SPOCK3: variants seen among roughly 807,000 people sequenced by gnomAD.
SPOCK3 encodes the protein testican-3.
SPOCK3 carries 30 observed loss-of-function variants against 56.6 expected under a neutral mutation model. The observed-to-expected ratio is 0.53, with a 90% CI of 0.40 to 0.72. SPOCK3 has a LOEUF of 0.72. SPOCK3 is among the 30% of genes least tolerant of loss of function. The pLI, the probability that SPOCK3 is intolerant of heterozygous loss-of-function variation, is 0.00. For synonymous variants in SPOCK3, 196 were observed against 183.3 expected (o/e 1.07, Z -0.56); for missense variants, 527 against 530.0 (o/e 0.99, Z 0.06).
chr4:167,102,115 A>G (rs191573414), intron 2 of SPOCK3, among the ~76,000 whole-genome samples: 1 of 152,174 alleles, frequency 6.6e-6, no homozygotes, highest in East Asian at 1.9e-4. Context: ...CTAAGCTGAA[A>G]TGAGAACAAG....
chr4:166,764,570 T>A (rs1737719717), intron 7 of SPOCK3, among the ~76,000 whole-genome samples: 1 of 152,184 alleles, frequency 6.6e-6, no homozygotes, highest in Non-Finnish European at 1.5e-5. Flanking sequence ...TGTGCCACAT[T>A]TTCTTAATCC....
intron 2 of SPOCK3, among the ~76,000 whole-genome samples, chr4:167,106,857 G>C (rs1760206974): frequency 6.6e-6 from 1 of 151,594 alleles, no homozygotes; most frequent in African/African-American, 2.4e-5. Context: ...AGGATCATTA[G>C]TGGCTACTAT....
chr4:166,975,967 G>A (rs1187491124), intron 4 of SPOCK3, among the ~76,000 whole-genome samples: 2 of 152,046 alleles, frequency 1.3e-5, no homozygotes, highest in African/African-American at 4.8e-5. Context: ...GAGTAGTGCT[G>A]CAATAAGCAT....
intron 2 of SPOCK3, among the ~76,000 whole-genome samples, chr4:167,118,940 C>T (rs546401584): frequency 6.6e-6 from 1 of 152,196 alleles, no homozygotes; most frequent in South Asian, 2.1e-4. Flanking sequence ...GCCCTTCTTA[C>T]TTGTACTTTG....
intron 6 of SPOCK3, among the ~76,000 whole-genome samples, chr4:166,883,572 C>T (rs940305847): frequency 2.6e-5 from 4 of 152,168 alleles, no homozygotes; most frequent in African/African-American, 9.7e-5. Context: ...GGACTCATTA[C>T]AAATCTGTCT....
intron 2 of SPOCK3, among the ~76,000 whole-genome samples, chr4:167,230,082 T>C (rs1022443932): frequency 5.9e-5 from 9 of 152,066 alleles, no homozygotes; most frequent in African/African-American, 1.9e-4. Flanking sequence ...TTTTATTATA[T>C]TGATTCCAAA....
At chr4:167,144,798 T>A (rs1157787990) in intron 2 of SPOCK3, among the ~76,000 whole-genome samples, 4 of 151,010 alleles carry the variant, frequency 2.6e-5, no homozygotes, top group Non-Finnish European at 5.9e-5. Flanking sequence ...TATCACATGT[T>A]TGAAAACAGG....
chr4:167,204,174 C>T (rs1445844159), intron 2 of SPOCK3, among the ~76,000 whole-genome samples: 1 of 151,960 alleles, frequency 6.6e-6, no homozygotes, highest in Non-Finnish European at 1.5e-5. Flanking sequence ...CTTTCCTCCC[C>T]TTCCCAATGG....
At chr4:166,762,591 T>C (rs1443999114) in intron 7 of SPOCK3, among the ~76,000 whole-genome samples, 4 of 152,016 alleles carry the variant, frequency 2.6e-5, no homozygotes, top group Admixed American at 2.6e-4. Context: ...CAGAAGTAGA[T>C]GAGATATGTA....
At chr4:166,847,138 T>C (rs775497028) in intron 6 of SPOCK3, among the ~76,000 whole-genome samples, 1 of 152,120 alleles carries the variant, frequency 6.6e-6, no homozygotes, top group Non-Finnish European at 1.5e-5. Flanking sequence ...AAGACTGATA[T>C]GTCATCCTGT....
At chr4:166,820,715 T>C (rs1226569237) in intron 6 of SPOCK3, among the ~76,000 whole-genome samples, 2 of 151,856 alleles carry the variant, frequency 1.3e-5, no homozygotes, top group African/African-American at 4.8e-5. Flanking sequence ...TTCCAGGTAC[T>C]TGGGAGGCTG....
At chr4:166,985,239 A>G (rs879384942) in intron 4 of SPOCK3, among the ~76,000 whole-genome samples, 5 of 152,126 alleles carry the variant, frequency 3.3e-5, no homozygotes, top group Admixed American at 3.3e-4. Context: ...AAAATTCAAC[A>G]TTGGAATAAA....
Position 166,735,001 on chromosome 4 carries a change from C to T in SPOCK3, c.1222G>A (p.Asp408Asn). The change falls in exon 11 of 11, where the codon GAT (aspartate) becomes AAT (asparagine). Residue 408 changes from aspartate (D) to asparagine (N), a missense_variant. Asp to Asn is a conservative substitution (Grantham distance 23). Transcript: ENST00000357545. Reference sequence around the variant, plus strand: ...TCATCATCTTCAATTTCATCTTCATCATTCATAATATCGTCTTCATCATCC... The same window carrying T: ...TCATCATCTTCAATTTCATCTTCATTATTCATAATATCGTCTTCATCATCC... ...DEDDEDDIMNDEDEIEDDDED... is the reference protein window; with the variant it reads ...DEDDEDDIMNNEDEIEDDDED... 1 of 1,549,128 alleles carries T rather than the reference C, an allele frequency of 6.5e-7. No individual in the cohort carries two copies.
At chr4:167,122,683 G>A (rs1245553794) in intron 2 of SPOCK3, among the ~76,000 whole-genome samples, 1 of 152,042 alleles carries the variant, frequency 6.6e-6, no homozygotes, top group East Asian at 1.9e-4. Flanking sequence ...TCTTAGAGCT[G>A]CCATTTGAAG....
At chr4:166,924,320 A>G (rs576904068) in intron 4 of SPOCK3, among the ~76,000 whole-genome samples, 2 of 152,280 alleles carry the variant, frequency 1.3e-5, no homozygotes, top group East Asian at 3.9e-4. Context: ...TTTATTTAGG[A>G]AGCAAGCATT....
chr4:167,179,050 G>A (rs1580530831), intron 2 of SPOCK3, among the ~76,000 whole-genome samples: 2 of 152,004 alleles, frequency 1.3e-5, no homozygotes, highest in East Asian at 1.9e-4. Context: ...GTAAACTTTT[G>A]TAAAGATGAC....
At chr4:166,927,780 A>G (rs1237449659) in intron 4 of SPOCK3, among the ~76,000 whole-genome samples, 1 of 152,196 alleles carries the variant, frequency 6.6e-6, no homozygotes, top group Non-Finnish European at 1.5e-5. Context: ...CGTCAAGAGA[A>G]TGATGAGGAG....
At chr4:166,981,337 C>T (rs1746544968) in intron 4 of SPOCK3, among the ~76,000 whole-genome samples, 1 of 151,776 alleles carries the variant, frequency 6.6e-6, no homozygotes, top group South Asian at 2.1e-4. Context: ...AAGTGTCCAG[C>T]TCTCAGCCAA....
chr4:166,907,858 G>T (rs767079822), intron 5 of SPOCK3, among the ~76,000 whole-genome samples: 3 of 151,868 alleles, frequency 2.0e-5, no homozygotes, highest in Non-Finnish European at 4.4e-5. Flanking sequence ...TAATGTTCTG[G>T]TGCTGTAATA....
Sources: gnomAD v4.1 joint callset for allele counts (sites outside exome capture counted in the v4.1 genomes callset) on GRCh38, gnomAD v4.1.1 for gene constraint, MANE v1.5 for transcripts, NCBI Gene and HGNC (gene_info 2026-07-23, HGNC 2026-07-21) for gene names.